The following FHIT variants were observed in gnomAD, a reference collection of about 807,000 sequenced individuals.
FHIT encodes the protein bis(5'-adenosyl)-triphosphatase.
Under a neutral mutation model 17.9 loss-of-function variants are expected in FHIT, and 19 were observed. That is an observed-to-expected ratio of 1.06 (90% CI 0.74 to 1.56). The LOEUF (loss-of-function observed/expected upper bound fraction) is 1.56. Ranked by LOEUF, FHIT falls within the 40% of genes most tolerant of loss-of-function variation. The pLI, the probability that FHIT is intolerant of heterozygous loss-of-function variation, is 0.00. For missense variants in FHIT, 248 were observed against 189.2 expected (o/e 1.31, Z -1.82); for synonymous variants, 81 against 69.7 (o/e 1.16, Z -0.81).
intron 2 of FHIT, among the ~76,000 whole-genome samples, chr3:61,188,690 A>G (rs1266126923): frequency 1.3e-5 from 2 of 152,194 alleles, no homozygotes; most frequent in Non-Finnish European, 2.9e-5. Flanking sequence ...TCAATAAAAT[A>G]CTGGCAAACC....
At chr3:60,891,222 C>T (rs1230138013) in intron 3 of FHIT, among the ~76,000 whole-genome samples, 3 of 152,132 alleles carry the variant, frequency 2.0e-5, no homozygotes, top group Non-Finnish European at 4.4e-5. Flanking sequence ...ACCTTCCCAT[C>T]ATCCGTGCAC....
intron 5 of FHIT, among the ~76,000 whole-genome samples, chr3:60,230,906 T>A (rs1042090863): frequency 1.2e-4 from 19 of 152,330 alleles, no homozygotes; most frequent in African/African-American, 3.6e-4. Context: ...ATACGAAGTT[T>A]CGCCATGTTG....
At chr3:59,942,752 G>C (rs1411953027) in intron 7 of FHIT, among the ~76,000 whole-genome samples, 2 of 152,082 alleles carry the variant, frequency 1.3e-5, no homozygotes, top group African/African-American at 4.8e-5. Flanking sequence ...AGGCTCAAGT[G>C]ATCCTCCCAC....
chr3:60,618,237 C>T (rs1161146020), intron 4 of FHIT, among the ~76,000 whole-genome samples: 1 of 152,080 alleles, frequency 6.6e-6, no homozygotes, highest in Admixed American at 6.5e-5. Flanking sequence ...TTTATGGAAA[C>T]TCATGGTTGA....
intron 4 of FHIT, among the ~76,000 whole-genome samples, chr3:60,568,509 A>G (rs1441380457): frequency 6.6e-6 from 1 of 152,074 alleles, no homozygotes; most frequent in Admixed American, 6.6e-5. Context: ...CTAATGTTAA[A>G]TCACGAGTTG....
intron 2 of FHIT, among the ~76,000 whole-genome samples, chr3:61,077,199 G>C (rs1198526250): frequency 6.6e-6 from 1 of 152,092 alleles, no homozygotes; most frequent in African/African-American, 2.4e-5. Flanking sequence ...TTCTGCCTAA[G>C]ATAAATCAAC....
At chr3:61,184,298 T>C in intron 2 of FHIT, among the ~76,000 whole-genome samples, 1 of 152,098 alleles carries the variant, frequency 6.6e-6, no homozygotes, top group Middle Eastern at 3.2e-3. Context: ...TCAAACTGAA[T>C]GGCCCCTTAG....
intron 3 of FHIT, among the ~76,000 whole-genome samples, chr3:60,988,477 G>A (rs1352462184): frequency 6.6e-6 from 1 of 152,102 alleles, no homozygotes; most frequent in Non-Finnish European, 1.5e-5. Flanking sequence ...TAAAATGAAG[G>A]ATTTCCAAGA....
intron 8 of FHIT, among the ~76,000 whole-genome samples, chr3:59,834,324 C>T (rs182945817): frequency 1.1e-4 from 16 of 152,182 alleles, no homozygotes; most frequent in Admixed American, 8.5e-4. Context: ...TACACTGTGC[C>T]TGGCAGAGTA....
chr3:61,078,995 C>T (rs1253178283), intron 2 of FHIT, among the ~76,000 whole-genome samples: 1 of 151,782 alleles, frequency 6.6e-6, no homozygotes, highest in Non-Finnish European at 1.5e-5. Flanking sequence ...GTACCACAGA[C>T]CAGGTTAGAA....
At position 60,090,937 on chromosome 3, in the gene FHIT, A is replaced by G. The variant is rs1018441463; in HGVS notation, c.104-76785T>C. On this transcript the variant is annotated intron_variant, in intron 5 of 9. Transcript: ENST00000492590. ...AAGCAAGTTGAAGCAGGTAAGAAAC[A>G]CTGAATATGATTTCAAAACAGTTTC... Among the ~76,000 whole-genome samples the G allele has an allele frequency of 7.2e-5, 11 of 152,220 alleles. No homozygotes were observed. In the South Asian group the frequency reaches 1.0e-3, roughly 14 times the overall value.
chr3:60,092,811 T>C (rs1303954795), intron 5 of FHIT, among the ~76,000 whole-genome samples: 1 of 152,164 alleles, frequency 6.6e-6, no homozygotes, highest in Non-Finnish European at 1.5e-5. Flanking sequence ...AAAATATCAG[T>C]GCTAAGGGTC....
intron 4 of FHIT, among the ~76,000 whole-genome samples, chr3:60,780,591 G>A (rs7633027): frequency 0.45 from 68,906 of 152,004 alleles, 16,660 homozygotes; most frequent in African/African-American, 0.57. Flanking sequence ...AATCATGCAA[G>A]CAGAGCCTCT....
intron 7 of FHIT, among the ~76,000 whole-genome samples, chr3:59,926,120 C>T (rs920135124): frequency 2.0e-5 from 3 of 152,134 alleles, no homozygotes; most frequent in African/African-American, 7.2e-5. Flanking sequence ...ACATTCCACA[C>T]CAAAAATGTT....
intron 5 of FHIT, among the ~76,000 whole-genome samples, chr3:60,437,329 A>G (rs1225185979): frequency 6.6e-6 from 1 of 152,144 alleles, no homozygotes; most frequent in Non-Finnish European, 1.5e-5. Context: ...ATTATACAAT[A>G]CATTAAAACC....
chr3:59,995,421 T>G (rs1699465704), intron 7 of FHIT, among the ~76,000 whole-genome samples: 1 of 152,078 alleles, frequency 6.6e-6, no homozygotes, highest in African/African-American at 2.4e-5. Context: ...TAATTAAACT[T>G]CAACAACTAA....
chr3:60,782,682 C>T (rs1230946690), intron 4 of FHIT, among the ~76,000 whole-genome samples: 4 of 152,154 alleles, frequency 2.6e-5, no homozygotes, highest in African/African-American at 9.7e-5. Context: ...ATAAAAAATA[C>T]CACAAACTGT....
At chr3:61,133,448 A>G (rs1487081334) in intron 2 of FHIT, among the ~76,000 whole-genome samples, 1 of 152,234 alleles carries the variant, frequency 6.6e-6, no homozygotes, top group East Asian at 1.9e-4. Flanking sequence ...AAGACAGAAC[A>G]TAGAAAAAGA....
intron 5 of FHIT, among the ~76,000 whole-genome samples, chr3:60,178,105 T>C (rs1406810066): frequency 6.6e-6 from 1 of 152,108 alleles, no homozygotes; most frequent in Non-Finnish European, 1.5e-5. Context: ...AAGAAGAAAT[T>C]TCTGTTCAGG....
Sources: allele counts gnomAD v4.1 joint callset (sites outside exome capture counted in the v4.1 genomes callset), GRCh38; gene constraint gnomAD v4.1.1; transcripts MANE v1.5; gene names NCBI Gene and HGNC (gene_info 2026-07-23, HGNC 2026-07-21).